Variants in DNER observed in about 807,000 individuals in gnomAD.
DNER encodes delta/notch like EGF repeat containing.
Under a neutral mutation model 78.2 loss-of-function variants are expected in DNER, and 33 were observed. That is an observed-to-expected ratio of 0.42 (90% CI 0.32 to 0.56). DNER has a LOEUF of 0.56. Ranked by LOEUF, DNER falls within the 20% of genes least tolerant of loss-of-function variation. DNER has a pLI of 0.11. For synonymous variants in DNER, 417 were observed against 384.8 expected (o/e 1.08, Z -0.98); for missense variants, 918 against 975.3 (o/e 0.94, Z 0.78).
intron 1 of DNER, among the ~76,000 whole-genome samples, chr2:229,704,978 C>T (rs1699805043): frequency 6.6e-6 from 1 of 152,154 alleles, no homozygotes; most frequent in South Asian, 2.1e-4. Context: ...TATTCTAATA[C>T]ATTCTATTGT....
At chr2:229,599,686 T>C (rs568421826) in intron 1 of DNER, among the ~76,000 whole-genome samples, 1 of 152,274 alleles carries the variant, frequency 6.6e-6, no homozygotes, top group African/African-American at 2.4e-5. Context: ...AACACTATCA[T>C]GAAGGAAGAA....
intron 1 of DNER, among the ~76,000 whole-genome samples, chr2:229,617,817 T>C (rs1442145570): frequency 6.6e-6 from 1 of 152,088 alleles, no homozygotes; most frequent in African/African-American, 2.4e-5. Flanking sequence ...CTCGGTGTGG[T>C]GGCACACACC....
At chr2:229,428,095 GA>G (rs1247063351) in intron 8 of DNER, among the ~76,000 whole-genome samples, 1 of 148,272 alleles carries the variant, frequency 6.7e-6, no homozygotes, top group African/African-American at 2.5e-5. Context: ...AAAAAAAAGA[GA>G]AAAAAAGAAA....
intron 6 of DNER, among the ~76,000 whole-genome samples, chr2:229,487,172 G>A (rs1216464790): frequency 6.6e-6 from 1 of 152,130 alleles, no homozygotes; most frequent in Non-Finnish European, 1.5e-5. Context: ...TGAGTGGGAG[G>A]TCTTGGGCTC....
chr2:229,539,673 T>C (rs1696475819), intron 5 of DNER, among the ~76,000 whole-genome samples: 1 of 152,240 alleles, frequency 6.6e-6, no homozygotes, highest in South Asian at 2.1e-4. Flanking sequence ...TGATAGACAG[T>C]TCCTGAGCAT....
chr2:229,451,796 T>C (rs1182839242), intron 7 of DNER, among the ~76,000 whole-genome samples: 1 of 152,218 alleles, frequency 6.6e-6, no homozygotes, highest in Non-Finnish European at 1.5e-5. Flanking sequence ...GTTTCTATCC[T>C]GTTTGTGTCT....
chr2:229,702,031 C>A, intron 1 of DNER: 1 of 188,864 alleles, frequency 5.3e-6, no homozygotes, highest in Non-Finnish European at 1.1e-5. Flanking sequence ...TGGAAAGATC[C>A]AAATAATGTC....
At chr2:229,481,903 C>A (rs12476571) in intron 6 of DNER, among the ~76,000 whole-genome samples, 2 of 152,026 alleles carry the variant, frequency 1.3e-5, no homozygotes, top group African/African-American at 4.8e-5. Flanking sequence ...CATGCATACA[C>A]AACAGGCATT....
At position 229,512,909 on chromosome 2, in the gene DNER, G is replaced by T. The variant is rs1695896124; in HGVS notation, c.1021C>A (p.Gln341Lys). 1 of 1,614,006 alleles carries T rather than the reference G, an allele frequency of 6.2e-7. No homozygotes were observed. The highest frequency in any genetic ancestry group is 8.5e-7 in the Non-Finnish European group (1 of 1,179,958). The change falls in exon 6 of 13, where the codon CAG becomes AAG. Residue 341 changes from glutamine (Q) to lysine (K), a missense_variant. Gln to Lys is a moderately conservative substitution (Grantham distance 53, BLOSUM62 1). Coordinates refer to ENST00000341772, the MANE Select transcript of DNER (RefSeq NM_139072.4). The part of the protein sequence containing the change: ...EATFSCTCEE[Q>K]YVGTFCEEYD... ...TCTTCACAGAAAGTACCCACGTACT[G>T]CTCCTCACAGGTACAGGAAAAAGTT...
At chr2:229,519,481 T>C (rs1453863182) in intron 5 of DNER, among the ~76,000 whole-genome samples, 1 of 152,154 alleles carries the variant, frequency 6.6e-6, no homozygotes, top group Non-Finnish European at 1.5e-5. Context: ...TTATAAAGCT[T>C]GCTTCAGTGA....
chr2:229,536,908 A>G (rs1200432484), intron 5 of DNER, among the ~76,000 whole-genome samples: 2 of 152,018 alleles, frequency 1.3e-5, no homozygotes, highest in African/African-American at 4.8e-5. Context: ...CTGTACCCTC[A>G]TTTTCTCAAA....
chr2:229,480,173 A>G (rs1479294352), intron 6 of DNER, among the ~76,000 whole-genome samples: 1 of 152,214 alleles, frequency 6.6e-6, no homozygotes, highest in African/African-American at 2.4e-5. Flanking sequence ...ACATACTTAA[A>G]CATAGAGAGA....
chr2:229,714,515 C>A lies in DNER; in HGVS notation c.-92G>T. ...ACGAGAGCTGCGAGAGCGACGGTGG[C>A]GGCTAGGGCTGCTCCGCCGGGCCGG... On this transcript the variant is annotated 5_prime_UTR_variant, in exon 1 of 13. Coordinates refer to ENST00000341772, the MANE Select transcript of DNER (RefSeq NM_139072.4). 9.5e-7 allele frequency: 1 copy of A among 1,052,410 alleles called. No individual in the cohort carries two copies. The highest frequency in any genetic ancestry group is 1.1e-6 in the Non-Finnish European group (1 of 874,992). The allele number at this position is 1,052,410 out of a possible 1,614,324, so 65.2% of individuals were successfully genotyped here.
At position 229,581,321 on chromosome 2, in the gene DNER, CTT is replaced by C. The variant is rs1697393172; in HGVS notation, c.847+4535_847+4536del. Among the ~76,000 whole-genome samples the C allele has an allele frequency of 3.3e-5, 5 of 152,306 alleles. No individual in the cohort carries two copies. The South Asian group carries it at 1.0e-3, about 32-fold the overall frequency. ...TGTGACTGGAGCAATGAATTTGACT[CTT>C]TGAAAATACGAAACATCCAGCAAAT... On this transcript the variant is annotated intron_variant, in intron 4 of 12. Transcript: ENST00000341772.
chr2:229,536,044 A>T (rs943574932), intron 5 of DNER, among the ~76,000 whole-genome samples: 5 of 152,252 alleles, frequency 3.3e-5, no homozygotes, highest in African/African-American at 1.2e-4. Context: ...AGGGAAACAG[A>T]TGAGTCTCCT....
intron 6 of DNER, among the ~76,000 whole-genome samples, chr2:229,478,912 C>G (rs1373629984): frequency 6.6e-6 from 1 of 152,070 alleles, no homozygotes; most frequent in Non-Finnish European, 1.5e-5. Context: ...AACCCATCAC[C>G]TAGGTATTAA....
At chr2:229,693,453 A>G (rs2154217440) in intron 1 of DNER, among the ~76,000 whole-genome samples, 1 of 152,190 alleles carries the variant, frequency 6.6e-6, no homozygotes, top group East Asian at 1.9e-4. Flanking sequence ...TGTGAAAGCA[A>G]CTTTGGATCC....
At chr2:229,673,172 A>T (rs781397455) in intron 1 of DNER, among the ~76,000 whole-genome samples, 6 of 152,234 alleles carry the variant, frequency 3.9e-5, no homozygotes, top group Non-Finnish European at 5.9e-5. Context: ...GGCAGCTCAG[A>T]TAAGATTCCT....
chr2:229,591,550 G>A lies in DNER; in HGVS notation c.585+30C>T. ...CACTTTAAGATTTCTGGTTTCTAAT[G>A]TAAAAATGCACATGATATAACGTTC... is the stretch of plus-strand genomic sequence containing the variant. On this transcript the variant is annotated intron_variant, in intron 2 of 12. Transcript: ENST00000341772. This position sits in a 1 kb window ranked among gnomAD's most constrained non-coding sequence, Gnocchi z 4.6. 1 of 1,577,602 alleles carries A rather than the reference G, an allele frequency of 6.3e-7. No homozygotes were observed. The highest frequency in any genetic ancestry group is 8.6e-7 in the Non-Finnish European group (1 of 1,160,382).
Sources: allele counts gnomAD v4.1 joint callset (sites outside exome capture counted in the v4.1 genomes callset), GRCh38; gene constraint gnomAD v4.1.1; non-coding constraint Gnocchi (gnomAD v3.1); transcripts MANE v1.5; gene names NCBI Gene and HGNC (gene_info 2026-07-23, HGNC 2026-07-21).